Variants in NPSR1 observed in about 807,000 individuals in gnomAD.
NPSR1 encodes neuropeptide S receptor.
A neutral mutation model predicts 46.9 loss-of-function variants in NPSR1; 48 were observed. That is an observed-to-expected ratio of 1.02 (90% confidence interval 0.81 to 1.30). NPSR1 has a LOEUF of 1.30. Ranked by LOEUF, NPSR1 falls within the 50% of genes most tolerant of loss-of-function variation. NPSR1 has a pLI of 0.00. For missense variants in NPSR1, 450 were observed against 449.5 expected (o/e 1.00, Z -0.01); for synonymous variants, 176 against 168.1 (o/e 1.05, Z -0.36).
At chr7:34,725,608 G>T (rs1190885425) in intron 2 of NPSR1, among the ~76,000 whole-genome samples, 3 of 152,208 alleles carry the variant, frequency 2.0e-5, no homozygotes, top group Admixed American at 6.5e-5. Flanking sequence ...GAGGTCCCCA[G>T]AATGTGGGCA....
rs1784785740 is a variant in NPSR1, at chr7:34,738,460, A to T, written c.281-40002A>T. Among the ~76,000 whole-genome samples, 3 of 152,342 alleles carry T rather than the reference A, an allele frequency of 2.0e-5. No homozygotes were observed. The South Asian group carries it at 6.2e-4, about 32-fold the overall frequency. On this transcript the variant is annotated intron_variant, in intron 2 of 8. Coordinates refer to ENST00000360581, the MANE Select transcript of NPSR1 (RefSeq NM_207172.2). Reference sequence around the variant, plus strand: ...ATGTGTGCATTTTATTAAAGCATTCAATTTACTGACATAAATGTGTCAATA... The same window carrying T: ...ATGTGTGCATTTTATTAAAGCATTCTATTTACTGACATAAATGTGTCAATA...
chr7:34,799,237 C>T (rs1027642821), intron 3 of NPSR1, among the ~76,000 whole-genome samples: 6 of 151,582 alleles, frequency 4.0e-5, no homozygotes, highest in Non-Finnish European at 7.4e-5. Context: ...ACAGCATAAA[C>T]GTATATTATT....
chr7:34,849,495 T>A (rs1790866324), intron 8 of NPSR1, 70 bp from the exon 9 acceptor site: 1 of 1,604,588 alleles, frequency 6.2e-7, no homozygotes, highest in African/African-American at 1.3e-5. Context: ...CTATTGTCTC[T>A]TAACATGTCT....
At chr7:34,695,940 T>C (rs1043418064) in intron 2 of NPSR1, among the ~76,000 whole-genome samples, 3 of 151,972 alleles carry the variant, frequency 2.0e-5, no homozygotes, top group Admixed American at 6.6e-5. Flanking sequence ...CACCAAGCAA[T>C]CTCACTACTG....
chr7:34,751,632 C>T, intron 2 of NPSR1: 1 of 1,600,192 alleles, frequency 6.2e-7, no homozygotes, highest in South Asian at 1.1e-5. Flanking sequence ...CTGCCTGCTC[C>T]AAGTGGACCA....
chr7:34,852,332 AGAGGAAGG>A (rs1316564857), downstream of NPSR1, among the ~76,000 whole-genome samples: 10 of 152,010 alleles, frequency 6.6e-5, no homozygotes, highest in East Asian at 3.9e-4. Context: ...AGAGAGAGAG[AGAGGAAGG>A]GAGGAAGGGA....
At chr7:34,744,385 A>C (rs943864826) in intron 2 of NPSR1, among the ~76,000 whole-genome samples, 6 of 151,862 alleles carry the variant, frequency 4.0e-5, no homozygotes, top group African/African-American at 7.3e-5. Context: ...CTTTTTTGAG[A>C]GCAAGTCTAC....
chr7:34,720,893 G>A (rs1388528412), intron 2 of NPSR1, among the ~76,000 whole-genome samples: 1 of 151,932 alleles, frequency 6.6e-6, no homozygotes, highest in Non-Finnish European at 1.5e-5. Context: ...AAAAAATAGA[G>A]AAACCATAAA....
rs147574013 is a variant in NPSR1, at chr7:34,716,929, A to G, written c.280+32245A>G. ...GGCAGATTACAGGAGTCCTACAGTC[A>G]CTGCTCTGCTAATGAGTGCTTCCCT... On this transcript the variant is annotated intron_variant, in intron 2 of 8. Coordinates refer to ENST00000360581, the MANE Select transcript of NPSR1 (RefSeq NM_207172.2). Among the ~76,000 whole-genome samples, 597 of 152,254 alleles carry G rather than the reference A, an allele frequency of 3.9e-3. 3 individuals carry two copies. The highest frequency in any genetic ancestry group is 0.014 in the African/African-American group (566 of 41,536).
In NPSR1 at chr7:34,743,009, T is replaced by A. The variant is rs145765780; in HGVS notation, c.281-35453T>A. On this transcript the variant is annotated intron_variant, in intron 2 of 8. Coordinates refer to ENST00000360581, the MANE Select transcript of NPSR1 (RefSeq NM_207172.2). ...CCACTTTTTAATGGGGTTGTTTTTCTCTTGTAAATTTGTTTAAGTTTCTTA... is the reference window on the plus strand; with the variant it reads ...CCACTTTTTAATGGGGTTGTTTTTCACTTGTAAATTTGTTTAAGTTTCTTA... 1.2e-4 allele frequency among the ~76,000 whole-genome samples: 18 copies of A among 152,348 alleles called. No homozygotes were observed. In the East Asian group the frequency reaches 3.5e-3, roughly 29 times the overall value.
chr7:34,809,576 G>T (rs1020597844), intron 3 of NPSR1, among the ~76,000 whole-genome samples: 12 of 149,020 alleles, frequency 8.1e-5, no homozygotes, highest in Middle Eastern at 3.5e-3. Context: ...CCATTCTCCT[G>T]CCTCAGCCTC....
intron 2 of NPSR1, among the ~76,000 whole-genome samples, chr7:34,747,132 A>AC (rs1038829815): frequency 6.7e-5 from 10 of 149,228 alleles, no homozygotes; most frequent in East Asian, 3.9e-4. Flanking sequence ...AAAAAAACAA[A>AC]AAAAAAAAAA....
chr7:34,707,655 T>A (rs899665220), intron 2 of NPSR1, among the ~76,000 whole-genome samples: 6 of 152,200 alleles, frequency 3.9e-5, no homozygotes, highest in Admixed American at 1.3e-4. Context: ...ATAAAAAGGA[T>A]AATTTTGCTT....
intron 4 of NPSR1, among the ~76,000 whole-genome samples, chr7:34,825,786 ACT>A (rs972476480): frequency 2.0e-5 from 3 of 152,048 alleles, no homozygotes; most frequent in Non-Finnish European, 1.5e-5. Flanking sequence ...TCAAGCAAGA[ACT>A]CTGTCTTCTT....
intron 2 of NPSR1, among the ~76,000 whole-genome samples, chr7:34,774,001 C>T (rs1786816543): frequency 6.6e-6 from 1 of 152,164 alleles, no homozygotes; most frequent in Non-Finnish European, 1.5e-5. Flanking sequence ...TCATTCAGGT[C>T]CCTGTCCACA....
intron 2 of NPSR1, among the ~76,000 whole-genome samples, chr7:34,754,793 C>T (rs1394267168): frequency 1.3e-5 from 2 of 152,186 alleles, no homozygotes; most frequent in East Asian, 3.8e-4. Context: ...ACTCCCACCT[C>T]ACATCCTCCG....
intron 2 of NPSR1, among the ~76,000 whole-genome samples, chr7:34,722,851 T>G (rs570048896): frequency 1.1e-4 from 17 of 152,258 alleles, no homozygotes; most frequent in Admixed American, 3.9e-4. Context: ...TGGGAGGAGT[T>G]GGCAAGGCCT....
At chr7:34,687,263 T>C in intron 2 of NPSR1, among the ~76,000 whole-genome samples, 1 of 152,112 alleles carries the variant, frequency 6.6e-6, no homozygotes, top group Non-Finnish European at 1.5e-5. Context: ...TATAGTTACA[T>C]ATGTCATGGC....
rs867724045 is a variant in NPSR1, at chr7:34,849,833, G to T, written c.*178G>T. On this transcript the variant is annotated 3_prime_UTR_variant, in exon 9 of 9. Transcript: ENST00000360581. ...GCACTGCTTAAGTATTGGCCAACAC[G>T]AACTCCCCAGTTATTCATGCCAGCC... 2.2e-6 allele frequency: 3 copies of T among 1,375,118 alleles called. No individual in the cohort carries two copies. In the South Asian group the frequency reaches 4.9e-5, roughly 23 times the overall value. The allele number at this position is 1,375,118 out of a possible 1,614,324, so 85.2% of individuals were successfully genotyped here.
Sources: allele counts gnomAD v4.1 joint callset (sites outside exome capture counted in the v4.1 genomes callset), GRCh38; gene constraint gnomAD v4.1.1; transcripts MANE v1.5; gene names NCBI Gene and HGNC (gene_info 2026-07-23, HGNC 2026-07-21).